The following GLDN variants were observed in gnomAD, a reference collection of about 807,000 sequenced individuals.
GLDN encodes collomin.
GLDN carries 47 observed loss-of-function variants against 56.5 expected under a neutral mutation model. That is an observed-to-expected ratio of 0.83 (90% CI 0.66 to 1.06). The LOEUF (loss-of-function observed/expected upper bound fraction) is 1.06. GLDN is among the 50% of genes least tolerant of loss of function. GLDN has a pLI of 0.00. For synonymous variants in GLDN, 332 were observed against 278.8 expected (o/e 1.19, Z -1.90); for missense variants, 782 against 714.3 (o/e 1.09, Z -1.08).
At chr15:51,361,784 G>A (rs1407572640) in intron 1 of GLDN, among the ~76,000 whole-genome samples, 1 of 152,160 alleles carries the variant, frequency 6.6e-6, no homozygotes, top group African/African-American at 2.4e-5. Context: ...CAATAAAGTG[G>A]TTGGGCGTGA....
chr15:51,388,497 C>T (rs1345725356), intron 4 of GLDN, among the ~76,000 whole-genome samples: 2 of 152,054 alleles, frequency 1.3e-5, no homozygotes, highest in Admixed American at 1.3e-4. Context: ...GGACTATTTG[C>T]TGTTGTGCTG....
intron 4 of GLDN, among the ~76,000 whole-genome samples, chr15:51,388,951 C>T (rs1357820655): frequency 6.6e-6 from 1 of 152,216 alleles, no homozygotes; most frequent in Non-Finnish European, 1.5e-5. Flanking sequence ...GAGAGGCCTG[C>T]AGGACATTGT....
chr15:51,397,493 C>A lies in GLDN; in HGVS notation c.712C>A (p.Pro238Thr). 6.4e-7 allele frequency: 1 copy of A among 1,562,384 alleles called. No individual in the cohort carries two copies. The highest frequency in any genetic ancestry group is 1.2e-5 in the South Asian group (1 of 84,036). Residue 238 changes from proline (P) to threonine (T), a missense_variant, in exon 6 of 10, where the codon CCC becomes ACC. By Grantham distance (38) the Pro-to-Thr change is conservative. Coordinates refer to ENST00000335449, the MANE Select transcript of GLDN (RefSeq NM_181789.4). ...AGGTGCCAAAGGTGACCAAGGCCCACCCGGTCCACCTGGGCCCCCAGGCCC... is the reference window on the plus strand; with the variant it reads ...AGGTGCCAAAGGTGACCAAGGCCCAACCGGTCCACCTGGGCCCCCAGGCCC... The part of the protein sequence containing the change: ...LAGAKGDQGP[P>T]GPPGPPGPPG...
chr15:51,391,056 G>C (rs1162829888), intron 4 of GLDN, among the ~76,000 whole-genome samples: 1 of 152,184 alleles, frequency 6.6e-6, no homozygotes, highest in African/African-American at 2.4e-5. Context: ...CAAAGACGAG[G>C]GGATGCTTTG....
chr15:51,348,636 A>AT (rs1031056295), intron 1 of GLDN, among the ~76,000 whole-genome samples: 134 of 149,860 alleles, frequency 8.9e-4, no homozygotes, highest in African/African-American at 3.1e-3. Context: ...GTCTAGCCTG[A>AT]TTTTTTTTTT....
At chr15:51,373,121 C>T (rs1566942046) in intron 1 of GLDN, among the ~76,000 whole-genome samples, 1 of 152,154 alleles carries the variant, frequency 6.6e-6, no homozygotes, top group African/African-American at 2.4e-5. Context: ...AATCATAGTA[C>T]AGGAGATGCA....
At chr15:51,383,917 A>G in intron 4 of GLDN, 25 bp downstream of exon 4, 4 of 1,480,556 alleles carry the variant, frequency 2.7e-6, no homozygotes, top group Non-Finnish European at 2.8e-6. Flanking sequence ...TCTTCTAATT[A>G]ATTTCCCTGT....
rs995008530 is a variant in GLDN, at chr15:51,369,804, C to T, written c.364-7645C>T. On this transcript the variant is annotated intron_variant, in intron 1 of 9. Coordinates refer to ENST00000335449, the MANE Select transcript of GLDN (RefSeq NM_181789.4). ...ATCTGTGTTTCAAGTTGAATTCAGA[C>T]AATTCCTTTTGCAAAGCCTGAGCAG... Among the ~76,000 whole-genome samples the T allele has an allele frequency of 6.1e-4, 93 of 152,190 alleles. 3 individuals carry two copies. Among genetic ancestry groups the T allele is most frequent in the Non-Finnish European group, 5.9e-5 (4 of 68,034 alleles).
At chr15:51,411,079 C>T (rs147174406), downstream of GLDN, among the ~76,000 whole-genome samples, 16 of 152,170 alleles carry the variant, frequency 1.1e-4, no homozygotes, top group East Asian at 1.9e-3. Context: ...GAGATTTGGG[C>T]GAAATAGGGA....
chr15:51,404,158 A>G, intron 9 of GLDN, 119 bp from the exon 10 acceptor site: 1 of 746,784 alleles, frequency 1.3e-6, no homozygotes, highest in South Asian at 1.7e-5. Flanking sequence ...CTTGTAAGGA[A>G]TGCAAAATCC....
At position 51,404,549 on chromosome 15, in the gene GLDN, T is replaced by C. The variant is rs1050520448; in HGVS notation, c.1451T>C (p.Val484Ala). Residue 484 changes from valine to alanine, a missense_variant, in exon 10 of 10, where the codon GTC (valine) becomes GCC (alanine). Val to Ala is a moderately conservative substitution (Grantham distance 64). Transcript: ENST00000335449. ...TTCATTGCCCGAGGAATCCTCTATG[T>C]CACAGACACCAAAGATATGAGGGTC... ...NAFIARGILY[V>A]TDTKDMRVTF... 3 of 1,614,184 alleles carry C rather than the reference T, an allele frequency of 1.9e-6. No homozygotes were observed. The South Asian group carries it at 3.3e-5, about 18-fold the overall frequency.
chr15:51,407,407 C>T lies in GLDN; in HGVS notation c.*2653C>T, dbSNP rs2038407486. On this transcript the variant is annotated 3_prime_UTR_variant, in exon 10 of 10. Transcript: ENST00000335449. ...AGGAGTTTACCCTCTCATTTATAAC[C>T]AAAGTTGCTCTAAAACACTTTCCAA... 1 of 152,140 alleles carries T rather than the reference C, an allele frequency of 6.6e-6. No individual in the cohort carries two copies. Among genetic ancestry groups the T allele is most frequent in the African/African-American group, 2.4e-5 (1 of 41,430 alleles). The allele number at this position is 152,140 out of a possible 1,614,324, so 9.4% of individuals were successfully genotyped here. A position where few individuals can be genotyped will look rare whatever the true frequency, so the allele number is the denominator to read the frequency against.
At chr15:51,342,089 G>C in intron 1 of GLDN, 42 bp downstream of exon 1, 1 of 1,586,792 alleles carries the variant, frequency 6.3e-7, no homozygotes, top group Non-Finnish European at 8.5e-7. Flanking sequence ...CGGCCAGGTG[G>C]GCGGCTGGGG....
intron 6 of GLDN, 54 bp from the exon 7 acceptor site, chr15:51,400,138 C>A (rs1375141438): frequency 6.5e-7 from 1 of 1,526,860 alleles, no homozygotes; most frequent in Non-Finnish European, 9.1e-7. Flanking sequence ...TAAAGTCCAA[C>A]AAATCTCACT....
chr15:51,385,784 T>A (rs1362738541), intron 4 of GLDN, among the ~76,000 whole-genome samples: 1 of 151,924 alleles, frequency 6.6e-6, no homozygotes, highest in Non-Finnish European at 1.5e-5. Context: ...CCTGGACAGT[T>A]TAAGGAGCAG....
At chr15:51,361,701 G>A (rs12441170) in intron 1 of GLDN, among the ~76,000 whole-genome samples, 25,873 of 152,240 alleles carry the variant, frequency 0.17, 2,669 homozygotes, top group Admixed American at 0.26. Context: ...TGTTCTGGCA[G>A]GGAGGAGACA....
intron 1 of GLDN, among the ~76,000 whole-genome samples, chr15:51,350,082 G>T (rs957770039): frequency 6.6e-6 from 1 of 152,056 alleles, no homozygotes; most frequent in Non-Finnish European, 1.5e-5. Flanking sequence ...TAAATCAGGG[G>T]TGCTCCAGCC....
chr15:51,380,987 T>C (rs1048305246), intron 2 of GLDN, among the ~76,000 whole-genome samples: 10 of 152,314 alleles, frequency 6.6e-5, no homozygotes, highest in African/African-American at 2.4e-4. Context: ...TGGGCCTCAC[T>C]CTAAATCCAA....
chr15:51,389,136 ACCT>A (rs2141112208), intron 4 of GLDN, among the ~76,000 whole-genome samples: 1 of 152,120 alleles, frequency 6.6e-6, no homozygotes, highest in South Asian at 2.1e-4. Context: ...TGAGGCCTTG[ACCT>A]CCTCATCTGT....
Sources: allele counts gnomAD v4.1 joint callset (sites outside exome capture counted in the v4.1 genomes callset), GRCh38; gene constraint gnomAD v4.1.1; transcripts MANE v1.5; gene names NCBI Gene and HGNC (gene_info 2026-07-23, HGNC 2026-07-21).